Variants in RBFOX1 observed in about 807,000 individuals in gnomAD.
RBFOX1 encodes the protein RNA binding protein fox-1 homolog 1.
Under a neutral mutation model 57.7 loss-of-function variants are expected in RBFOX1, and 8 were observed. That is an observed-to-expected ratio of 0.14 (90% CI 0.08 to 0.25). RBFOX1 has a LOEUF of 0.25. Among genes scored for constraint, RBFOX1 ranks in the 10% least tolerant of loss-of-function variants. RBFOX1 has a pLI of 1.00. For synonymous variants in RBFOX1, 326 were observed against 222.4 expected (o/e 1.47, Z -4.15); for missense variants, 611 against 548.5 (o/e 1.11, Z -1.14).
intron 2 of RBFOX1, among the ~76,000 whole-genome samples, chr16:6,480,652 A>G (rs910357862): frequency 1.3e-5 from 2 of 152,216 alleles, no homozygotes; most frequent in African/African-American, 4.8e-5. Context: ...AAATATTTAT[A>G]TATCTACGGA....
At chr16:7,662,442 A>G (rs966011285) in intron 12 of RBFOX1, among the ~76,000 whole-genome samples, 1 of 152,116 alleles carries the variant, frequency 6.6e-6, no homozygotes, top group Non-Finnish European at 1.5e-5. Flanking sequence ...TGGTAAAGCA[A>G]TGACTCAATC....
At chr16:5,856,046 C>T (rs1376535321) in intron 3 of RBFOX1, among the ~76,000 whole-genome samples, 3 of 105,614 alleles carry the variant, frequency 2.8e-5, no homozygotes, top group Non-Finnish European at 5.7e-5. Context: ...GTAGTTCATT[C>T]TTTGTGTATA....
intron 4 of RBFOX1, among the ~76,000 whole-genome samples, chr16:5,936,937 C>G (rs1219699482): frequency 6.6e-6 from 1 of 152,192 alleles, no homozygotes; most frequent in Non-Finnish European, 1.5e-5. Flanking sequence ...CTGTAGAGCA[C>G]TGCATACATC....
intron 1 of RBFOX1, among the ~76,000 whole-genome samples, chr16:5,283,567 C>T (rs1311634321): frequency 6.6e-6 from 1 of 152,162 alleles, no homozygotes; most frequent in Non-Finnish European, 1.5e-5. Flanking sequence ...CCACCTCTTA[C>T]ATCAGCATGA....
At chr16:7,682,667 C>G (rs1481949010) in intron 14 of RBFOX1, among the ~76,000 whole-genome samples, 1 of 151,156 alleles carries the variant, frequency 6.6e-6, no homozygotes, top group Non-Finnish European at 1.5e-5. Flanking sequence ...AAATGAGTCA[C>G]TCATGCCTTT....
chr16:7,202,312 A>AG (rs957601950), intron 4 of RBFOX1, among the ~76,000 whole-genome samples: 15 of 152,086 alleles, frequency 9.9e-5, no homozygotes, highest in African/African-American at 2.9e-4. Flanking sequence ...AAAAAAAAAA[A>AG]AAGAAGCACA....
At chr16:5,692,656 T>C (rs995862107) in intron 3 of RBFOX1, among the ~76,000 whole-genome samples, 1 of 152,132 alleles carries the variant, frequency 6.6e-6, no homozygotes, top group African/African-American at 2.4e-5. Context: ...CACTCCTACG[T>C]AGGGACCAGA....
Position 7,009,734 on chromosome 16 carries a change from C to T in RBFOX1, c.-15-42323C>T, listed in dbSNP as rs535847712. 1.6e-3 allele frequency among the ~76,000 whole-genome samples: 250 copies of T among 152,322 alleles called. 4 individuals carry two copies. Among genetic ancestry groups the T allele is most frequent in the Non-Finnish European group, 2.9e-3 (196 of 68,034 alleles). Reference sequence around the variant, plus strand: ...AGCCAACCTAATCAGCCTGATACCACAGTAGTTCTCTTGATTAAACACTAA... The same window carrying T: ...AGCCAACCTAATCAGCCTGATACCATAGTAGTTCTCTTGATTAAACACTAA... On this transcript the variant is annotated intron_variant, in intron 3 of 15. Transcript: ENST00000550418.
chr16:6,621,807 T>C (rs1042345314), intron 2 of RBFOX1, among the ~76,000 whole-genome samples: 2 of 152,180 alleles, frequency 1.3e-5, no homozygotes, highest in Non-Finnish European at 1.5e-5. Flanking sequence ...ATAAAGAACA[T>C]ACCATTTAAA....
chr16:7,017,144 C>A (rs998799116), intron 3 of RBFOX1, among the ~76,000 whole-genome samples: 1 of 152,074 alleles, frequency 6.6e-6, no homozygotes, highest in Non-Finnish European at 1.5e-5. Context: ...AGCAAAACAG[C>A]TGTTAAGGTG....
intron 4 of RBFOX1, among the ~76,000 whole-genome samples, chr16:7,459,034 A>G (rs1333244824): frequency 1.3e-5 from 2 of 152,122 alleles, no homozygotes; most frequent in East Asian, 1.9e-4. Flanking sequence ...GAATGGATGG[A>G]TGAATGATGG....
At chr16:7,064,131 C>A (rs998063467) in intron 4 of RBFOX1, among the ~76,000 whole-genome samples, 17 of 148,234 alleles carry the variant, frequency 1.1e-4, no homozygotes, top group African/African-American at 4.2e-4. Context: ...AGTCCATAAG[C>A]GTGGGCCCTA....
At chr16:6,143,772 AC>A (rs1171128041) in intron 1 of RBFOX1, among the ~76,000 whole-genome samples, 4 of 151,862 alleles carry the variant, frequency 2.6e-5, no homozygotes, top group African/African-American at 9.7e-5. Flanking sequence ...TGCACCTGAT[AC>A]TTTTGCTTTT....
intron 4 of RBFOX1, among the ~76,000 whole-genome samples, chr16:7,512,253 G>A (rs571287380): frequency 2.0e-5 from 3 of 152,280 alleles, no homozygotes; most frequent in South Asian, 4.1e-4. Flanking sequence ...GAGCCTGTTC[G>A]CGTGCCTAGG....
At chr16:6,582,139 A>G (rs999000206) in intron 2 of RBFOX1, among the ~76,000 whole-genome samples, 7 of 152,214 alleles carry the variant, frequency 4.6e-5, no homozygotes, top group Admixed American at 3.9e-4. Flanking sequence ...GATTTAAGTC[A>G]TATTAAAATG....
chr16:6,817,975 G>A (rs1383905751), intron 3 of RBFOX1, among the ~76,000 whole-genome samples: 14 of 152,064 alleles, frequency 9.2e-5, no homozygotes, highest in Middle Eastern at 3.2e-3. Flanking sequence ...GGTTTTAAAC[G>A]CAGGCCTGCC....
chr16:6,886,763 A>AAAAAC (rs746075832), intron 3 of RBFOX1, among the ~76,000 whole-genome samples: 18 of 42,258 alleles, frequency 4.3e-4, no homozygotes, highest in South Asian at 2.5e-3. Flanking sequence ...TGAAAAAAAC[A>AAAAAC]AAAACAAAAC....
chr16:6,686,797 C>A (rs1320365363), intron 3 of RBFOX1, among the ~76,000 whole-genome samples: 1 of 152,170 alleles, frequency 6.6e-6, no homozygotes, highest in Non-Finnish European at 1.5e-5. Context: ...GTTAACACAT[C>A]AAGAAACCCA....
At chr16:6,053,798 C>T (rs1208525571) in intron 1 of RBFOX1, among the ~76,000 whole-genome samples, 1 of 152,118 alleles carries the variant, frequency 6.6e-6, no homozygotes, top group African/African-American at 2.4e-5. Flanking sequence ...TGCCCCATAC[C>T]TATAATTCTA....
Sources: allele counts gnomAD v4.1 joint callset (sites outside exome capture counted in the v4.1 genomes callset), GRCh38; gene constraint gnomAD v4.1.1; transcripts MANE v1.5; gene names NCBI Gene and HGNC (gene_info 2026-07-23, HGNC 2026-07-21).